The following PPP1R9A variants were observed in gnomAD, a reference collection of about 807,000 sequenced individuals.
PPP1R9A encodes protein phosphatase 1 regulatory subunit 9A.
A neutral mutation model predicts 141.9 loss-of-function variants in PPP1R9A; 59 were observed. The observed-to-expected ratio is 0.42, with a 90% CI of 0.34 to 0.52. PPP1R9A has a LOEUF of 0.52. PPP1R9A is among the 20% of genes least tolerant of loss of function. The pLI is 0.10. For missense variants in PPP1R9A, 1,444 were observed against 1,611.9 expected, an observed-to-expected ratio of 0.90 and a Z score of 1.78; for synonymous variants, 500 against 569.7, an observed-to-expected ratio of 0.88 and a Z score of 1.74.
intron 2 of PPP1R9A, among the ~76,000 whole-genome samples, chr7:94,930,901 T>C (rs1794074366): frequency 6.6e-6 from 1 of 152,218 alleles, no homozygotes; most frequent in Non-Finnish European, 1.5e-5. Context: ...AGATTTGGAA[T>C]CAGAGATGAG....
In PPP1R9A at chr7:95,183,515, A is replaced by G. The variant is rs1353045165; in HGVS notation, c.1755-14834A>G. Among the ~76,000 whole-genome samples, 6 of 147,418 alleles carry G rather than the reference A, an allele frequency of 4.1e-5. No homozygotes were observed. The Admixed American group carries it at 4.1e-4, about 10-fold the overall frequency. ...GCCCAGGCTGGAGTGCAGTGGCACAATCTTGGCTCACTGCAACCTCTGCCT... is the reference window on the plus strand; with the variant it reads ...GCCCAGGCTGGAGTGCAGTGGCACAGTCTTGGCTCACTGCAACCTCTGCCT... On this transcript the variant is annotated intron_variant, in intron 5 of 19. Transcript: ENST00000433360.
chr7:94,941,546 A>G (rs1363253436), intron 2 of PPP1R9A, among the ~76,000 whole-genome samples: 2 of 152,104 alleles, frequency 1.3e-5, no homozygotes, highest in East Asian at 1.9e-4. Flanking sequence ...AAAGGAGTTT[A>G]TCTAAATGCT....
intron 2 of PPP1R9A, among the ~76,000 whole-genome samples, chr7:94,969,987 C>T (rs1350300742): frequency 2.0e-5 from 3 of 152,124 alleles, no homozygotes; most frequent in African/African-American, 7.2e-5. Context: ...TAATGGTCGA[C>T]ACCCCTGCCC....
chr7:94,971,461 A>G (rs1798850737), intron 2 of PPP1R9A, among the ~76,000 whole-genome samples: 1 of 152,230 alleles, frequency 6.6e-6, no homozygotes, highest in African/African-American at 2.4e-5. Context: ...TTCTCATTGC[A>G]AAAGAATGTG....
intron 2 of PPP1R9A, among the ~76,000 whole-genome samples, chr7:95,055,078 G>A (rs1054225980): frequency 6.6e-6 from 1 of 152,160 alleles, no homozygotes; most frequent in Admixed American, 6.5e-5. Context: ...TTCACTGACT[G>A]TCCTTCCCTC....
At chr7:95,101,632 A>T (rs1263765795) in intron 2 of PPP1R9A, among the ~76,000 whole-genome samples, 1 of 152,228 alleles carries the variant, frequency 6.6e-6, no homozygotes, top group Non-Finnish European at 1.5e-5. Flanking sequence ...AACAAAGGGT[A>T]AAGAAAGAAA....
At position 94,907,633 on chromosome 7, in the gene PPP1R9A, C is replaced by G. The variant is rs574841498; in HGVS notation, c.-286C>G. The G allele has an allele frequency of 2.0e-5, 3 of 152,448 alleles. No homozygotes were observed. In the East Asian group the frequency reaches 5.8e-4, roughly 30 times the overall value. The allele number at this position is 152,448 out of a possible 1,614,324, so 9.4% of individuals were successfully genotyped here. A position where few individuals can be genotyped will look rare whatever the true frequency, so the allele number is the denominator to read the frequency against. ...CTTGGCCGCCAGAGGCTCCCTCTCT[C>G]TCCCTCTCCCGGGATTTTGCTGCCG... is the stretch of plus-strand genomic sequence containing the variant. On this transcript the variant is annotated 5_prime_UTR_variant, in exon 1 of 20. Transcript: ENST00000433360.
intron 2 of PPP1R9A, among the ~76,000 whole-genome samples, chr7:94,924,870 A>G (rs1043883635): frequency 2.0e-5 from 3 of 152,136 alleles, no homozygotes; most frequent in African/African-American, 7.2e-5. Context: ...AATGAGAACT[A>G]TTGAGAGTTC....
chr7:95,250,038 G>A lies in PPP1R9A; in HGVS notation c.2179G>A (p.Glu727Lys). The change falls in exon 10 of 20, where the codon GAA (glutamate) becomes AAA (lysine). Residue 727 changes from glutamate (E) to lysine (K), a missense_variant. Around this residue, in one of 5 missense-constraint regions of PPP1R9A, gnomAD observed 488 missense variants for 542.0 expected, o/e 0.90. Coordinates refer to ENST00000433360, the MANE Select transcript of PPP1R9A (RefSeq NM_001166160.2). ...QKLKTKLQAA[E>K]NEKVRWELEK... ...TTGCTTTCTCCAGCTGCAGGCAGCA[G>A]AAAATGAGAAAGTGAGGTGGGAACT... is the stretch of plus-strand genomic sequence containing the variant. 6.2e-7 allele frequency: 1 copy of A among 1,603,812 alleles called. No individual in the cohort carries two copies. The highest frequency in any genetic ancestry group is 8.5e-7 in the Non-Finnish European group (1 of 1,176,436).
At chr7:95,289,304 A>AC (rs1805952695) in intron 19 of PPP1R9A, among the ~76,000 whole-genome samples, 1 of 151,880 alleles carries the variant, frequency 6.6e-6, no homozygotes, top group African/African-American at 2.4e-5. Context: ...AACTCCATGT[A>AC]CCCCCAAGCC....
intron 2 of PPP1R9A, among the ~76,000 whole-genome samples, chr7:94,943,479 A>G (rs1255465262): frequency 6.6e-6 from 1 of 152,222 alleles, no homozygotes; most frequent in Non-Finnish European, 1.5e-5. Context: ...AGGCAATAAA[A>G]TGGGGGAAAA....
intron 1 of PPP1R9A, chr7:94,908,272 C>G (rs943541957): frequency 2.6e-5 from 4 of 152,098 alleles, no homozygotes; most frequent in Admixed American, 2.0e-4. Flanking sequence ...GGTTGAAGAT[C>G]GGAGGCATTA....
At chr7:95,064,057 A>C (rs963765442) in intron 2 of PPP1R9A, among the ~76,000 whole-genome samples, 1 of 152,156 alleles carries the variant, frequency 6.6e-6, no homozygotes, top group Non-Finnish European at 1.5e-5. Flanking sequence ...CATTCAGAAG[A>C]ATTTCTTGTA....
chr7:95,124,280 A>G (rs1454716623), intron 4 of PPP1R9A, among the ~76,000 whole-genome samples: 4 of 152,150 alleles, frequency 2.6e-5, no homozygotes, highest in Admixed American at 1.3e-4. Flanking sequence ...ACTGATATAG[A>G]AAAATATTCC....
chr7:95,235,218 A>C (rs2152974103), intron 8 of PPP1R9A, among the ~76,000 whole-genome samples: 1 of 152,332 alleles, frequency 6.6e-6, no homozygotes, highest in East Asian at 1.9e-4. Context: ...CAATCAGCAG[A>C]GTAAACAGAC....
chr7:95,085,002 A>G (rs1295939416), intron 2 of PPP1R9A, among the ~76,000 whole-genome samples: 1 of 151,918 alleles, frequency 6.6e-6, no homozygotes, highest in Non-Finnish European at 1.5e-5. Context: ...TTGTCACATT[A>G]CTTATCACTG....
chr7:94,917,912 A>G (rs1395029289), intron 2 of PPP1R9A, among the ~76,000 whole-genome samples: 1 of 152,188 alleles, frequency 6.6e-6, no homozygotes, highest in South Asian at 2.1e-4. Context: ...TCTCATCTGC[A>G]TTAGATTTTT....
chr7:95,221,206 A>G (rs138428919), intron 7 of PPP1R9A, among the ~76,000 whole-genome samples: 32 of 152,280 alleles, frequency 2.1e-4, no homozygotes, highest in African/African-American at 7.7e-4. Context: ...ACCATGTGCC[A>G]GACCTTGTGT....
At chr7:94,957,773 A>G (rs192906761) in intron 2 of PPP1R9A, among the ~76,000 whole-genome samples, 2 of 152,022 alleles carry the variant, frequency 1.3e-5, no homozygotes, top group East Asian at 3.9e-4. Flanking sequence ...TTACTGTACG[A>G]CCCCTTTCTT....
Sources: allele counts gnomAD v4.1 joint callset (sites outside exome capture counted in the v4.1 genomes callset), GRCh38; gene constraint gnomAD v4.1.1; regional missense constraint gnomAD v4.1.1; transcripts MANE v1.5; gene names NCBI Gene and HGNC (gene_info 2026-07-23, HGNC 2026-07-21).